STAG1: variants seen among roughly 807,000 people sequenced by gnomAD.
The protein encoded by STAG1 is cohesin subunit SA-1.
A neutral mutation model predicts 170.9 loss-of-function variants in STAG1; 26 were observed. That is an observed-to-expected ratio of 0.15 (90% CI 0.11 to 0.21). The LOEUF (loss-of-function observed/expected upper bound fraction) is 0.21. STAG1 is among the 10% of genes least tolerant of loss of function. STAG1 has a pLI of 1.00. For missense variants in STAG1, 964 were observed against 1,509.5 expected (o/e 0.64, Z 5.99); for synonymous variants, 514 against 497.7 (o/e 1.03, Z -0.44).
intron 3 of STAG1, among the ~76,000 whole-genome samples, chr3:136,608,617 C>A (rs183877450): frequency 6.2e-4 from 93 of 149,814 alleles, no homozygotes; most frequent in African/African-American, 2.2e-3. Flanking sequence ...GAGTTCCAGA[C>A]CAGCCTGAGC....
chr3:136,463,747 G>GTGTGTA (rs1299361196), intron 13 of STAG1, among the ~76,000 whole-genome samples: 85 of 80,024 alleles, frequency 1.1e-3, no homozygotes, highest in African/African-American at 4.1e-3. Context: ...GTGTGTGTGT[G>GTGTGTA]TGTGTGTGTG....
At chr3:136,619,159 C>T (rs536070410) in intron 3 of STAG1, among the ~76,000 whole-genome samples, 1 of 151,812 alleles carries the variant, frequency 6.6e-6, no homozygotes, top group Admixed American at 6.6e-5. Context: ...TTCTTAGAAT[C>T]CTTCTGTGTT....
chr3:136,498,273 C>CATA (rs1553733387), intron 9 of STAG1, among the ~76,000 whole-genome samples: 21 of 44,412 alleles, frequency 4.7e-4, no homozygotes, highest in African/African-American at 1.7e-3. Context: ...CACACACACA[C>CATA]CACACACACA....
intron 7 of STAG1, among the ~76,000 whole-genome samples, chr3:136,507,909 G>A (rs1384613415): frequency 6.6e-6 from 1 of 152,106 alleles, no homozygotes; most frequent in Non-Finnish European, 1.5e-5. Flanking sequence ...AGAAAAAATG[G>A]TAGCTGTGTC....
At chr3:136,387,415 T>G (rs951088081) in intron 22 of STAG1, among the ~76,000 whole-genome samples, 1 of 152,200 alleles carries the variant, frequency 6.6e-6, no homozygotes, top group Non-Finnish European at 1.5e-5. Context: ...CCACAGTGAC[T>G]AATATATAAC....
intron 9 of STAG1, among the ~76,000 whole-genome samples, chr3:136,497,809 C>G (rs546625469): frequency 1.4e-5 from 2 of 144,934 alleles, no homozygotes; most frequent in Non-Finnish European, 1.5e-5. Flanking sequence ...GAGCCGAGAT[C>G]GCGCCACTGC....
At chr3:136,739,078 A>G (rs1934510333) in intron 1 of STAG1, among the ~76,000 whole-genome samples, 2 of 152,214 alleles carry the variant, frequency 1.3e-5, no homozygotes, top group Non-Finnish European at 2.9e-5. Flanking sequence ...AAACTTCAAA[A>G]TGCAAAGTAT....
chr3:136,581,558 G>A (rs957654876), intron 4 of STAG1, among the ~76,000 whole-genome samples: 2 of 152,114 alleles, frequency 1.3e-5, no homozygotes, highest in African/African-American at 4.8e-5. Flanking sequence ...TGTTGCCAGA[G>A]GTTTGCAAAA....
At chr3:136,702,127 GAGACAGAGAGAC>G (rs1943097102) in intron 1 of STAG1, among the ~76,000 whole-genome samples, 2 of 97,410 alleles carry the variant, frequency 2.1e-5, no homozygotes, top group Admixed American at 1.8e-4. Context: ...GAGAGACAGA[GAGACAGAGAGAC>G]AGAGAGACAG....
Position 136,452,112 on chromosome 3 carries a change from G to C in STAG1, c.1349C>G (p.Ala450Gly). Residue 450 changes from alanine to glycine, a missense_variant, in exon 14 of 34, where the codon GCA (alanine) becomes GGA (glycine). Around this residue, in one of 11 missense-constraint regions of STAG1, gnomAD observed 162 missense variants for 211.2 expected, o/e 0.77. Coordinates refer to ENST00000383202, the MANE Select transcript of STAG1 (RefSeq NM_005862.3). ...GTTTCTTCCCCTCCTCTTTGCTAAT[G>C]CTTCTTCTGCTTGTGGGTCATGTCT... Reference protein sequence around the residue: ...FSRHDPQAEEALAKRRGRNSP... With the variant: ...FSRHDPQAEEGLAKRRGRNSP... 1 of 1,613,206 alleles carries C rather than the reference G, an allele frequency of 6.2e-7. No individual in the cohort carries two copies. The highest frequency in any genetic ancestry group is 8.5e-7 in the Non-Finnish European group (1 of 1,179,760).
intron 13 of STAG1, among the ~76,000 whole-genome samples, chr3:136,463,739 G>GTA (rs2089344073): frequency 1.8e-5 from 1 of 57,000 alleles, no homozygotes. Context: ...GTGTATATGT[G>GTA]TGTGTGTGTG....
At chr3:136,463,768 T>TGTGTGTGTGTAC (rs755853025) in intron 13 of STAG1, among the ~76,000 whole-genome samples, 2 of 38,590 alleles carry the variant, frequency 5.2e-5, no homozygotes, top group African/African-American at 3.3e-4. Flanking sequence ...TGTGTGTGTG[T>TGTGTGTGTGTAC]ATACACACAC....
intron 22 of STAG1, among the ~76,000 whole-genome samples, chr3:136,388,526 G>A (rs750852923): frequency 1.4e-4 from 22 of 151,936 alleles, no homozygotes; most frequent in Admixed American, 2.0e-4. Context: ...ACACCACCAC[G>A]CCCAGCTAAT....
intron 5 of STAG1, among the ~76,000 whole-genome samples, chr3:136,553,950 T>A (rs1026641019): frequency 6.6e-6 from 1 of 151,844 alleles, no homozygotes; most frequent in Admixed American, 6.6e-5. Flanking sequence ...GACTAAATGG[T>A]GCAACTAAAA....
At chr3:136,717,217 A>T (rs1031823920) in intron 1 of STAG1, among the ~76,000 whole-genome samples, 2 of 152,238 alleles carry the variant, frequency 1.3e-5, no homozygotes, top group Non-Finnish European at 2.9e-5. Context: ...TTATGATATT[A>T]TAATATCCCT....
At chr3:136,574,786 G>A (rs1937396059) in intron 4 of STAG1, among the ~76,000 whole-genome samples, 1 of 152,146 alleles carries the variant, frequency 6.6e-6, no homozygotes, top group Non-Finnish European at 1.5e-5. Flanking sequence ...AAAAATTAAT[G>A]AGTGTATAGA....
At chr3:136,613,766 G>A (rs1939438339) in intron 3 of STAG1, among the ~76,000 whole-genome samples, 1 of 152,112 alleles carries the variant, frequency 6.6e-6, no homozygotes, top group Non-Finnish European at 1.5e-5. Context: ...AGAATTACAG[G>A]TGTGCGCCAC....
At chr3:136,706,461 A>G (rs148190825) in intron 1 of STAG1, among the ~76,000 whole-genome samples, 5 of 152,318 alleles carry the variant, frequency 3.3e-5, no homozygotes, top group Admixed American at 2.0e-4. Context: ...AGGAAAGAAA[A>G]CAAATTTATG....
intron 2 of STAG1, among the ~76,000 whole-genome samples, chr3:136,629,487 A>G (rs1325289645): frequency 2.0e-5 from 3 of 152,192 alleles, no homozygotes; most frequent in African/African-American, 2.4e-5. Flanking sequence ...CCATATTTAT[A>G]TATGTTCATA....
Sources: allele counts gnomAD v4.1 joint callset (sites outside exome capture counted in the v4.1 genomes callset), GRCh38; gene constraint gnomAD v4.1.1; regional missense constraint gnomAD v4.1.1; transcripts MANE v1.5; gene names NCBI Gene and HGNC (gene_info 2026-07-23, HGNC 2026-07-21).